The following RBMS1 variants were observed in gnomAD, a reference collection of about 807,000 sequenced individuals.
RBMS1 encodes the protein RNA-binding motif, single-stranded-interacting protein 1.
In RBMS1, 17 loss-of-function variants were observed where a neutral mutation model predicts 62.3. That is an observed-to-expected ratio of 0.27 (90% CI 0.19 to 0.41). RBMS1 has a LOEUF of 0.41. Ranked by LOEUF, RBMS1 falls within the 10% of genes least tolerant of loss-of-function variation. The pLI, the probability that RBMS1 is intolerant of heterozygous loss-of-function variation, is 1.00. For synonymous variants in RBMS1, 172 were observed against 170.0 expected, an observed-to-expected ratio of 1.01 and a Z score of -0.09; for missense variants, 334 against 504.5, an observed-to-expected ratio of 0.66 and a Z score of 3.24.
chr2:160,492,385 T>C (rs915548139), intron 1 of RBMS1, among the ~76,000 whole-genome samples: 6 of 152,142 alleles, frequency 3.9e-5, no homozygotes, highest in Non-Finnish European at 7.4e-5. Flanking sequence ...ACTAACAAAG[T>C]ACCCAGGGTC....
At chr2:160,315,595 C>T (rs1690172608) in intron 3 of RBMS1, among the ~76,000 whole-genome samples, 1 of 152,168 alleles carries the variant, frequency 6.6e-6, no homozygotes, top group South Asian at 2.1e-4. Flanking sequence ...CTTAAAGCTG[C>T]CTGCTTTTAC....
chr2:160,347,373 T>C (rs1692244164), intron 2 of RBMS1, among the ~76,000 whole-genome samples: 1 of 152,154 alleles, frequency 6.6e-6, no homozygotes, highest in Non-Finnish European at 1.5e-5. Flanking sequence ...AATTTTAAGG[T>C]AATGGTTATA....
intron 1 of RBMS1, among the ~76,000 whole-genome samples, chr2:160,421,634 A>G (rs564507374): frequency 9.7e-4 from 148 of 152,332 alleles, no homozygotes; most frequent in Middle Eastern, 3.4e-3. Flanking sequence ...TTATAGCAGC[A>G]TGATTTATAA....
At chr2:160,311,232 C>CTCTCTCTCTCTCTCTCTCTCTCTCTCTA in intron 4 of RBMS1, among the ~76,000 whole-genome samples, 1 of 79,256 alleles carries the variant, frequency 1.3e-5, no homozygotes, top group South Asian at 4.5e-4. Flanking sequence ...ATCTATCTAT[C>CTCTCTCTCTCTCTCTCTCTCTCTCTCTA]TATATATATA....
chr2:160,291,097 C>G (rs571675320), intron 6 of RBMS1, among the ~76,000 whole-genome samples: 1 of 152,264 alleles, frequency 6.6e-6, no homozygotes, highest in East Asian at 1.9e-4. Flanking sequence ...TCTGCAAGTC[C>G]TCCTCACTTA....
At chr2:160,471,716 T>TATATATATATATATATATATATATATATA (rs371634389) in intron 1 of RBMS1, among the ~76,000 whole-genome samples, 64 of 76,218 alleles carry the variant, frequency 8.4e-4, no homozygotes, top group Non-Finnish European at 1.2e-3. Context: ...TATATATATA[T>TATATATATATATATATATATATATATATA]AACCTTTCAT....
intron 2 of RBMS1, among the ~76,000 whole-genome samples, chr2:160,341,083 T>C (rs149440231): frequency 0.015 from 2,340 of 152,228 alleles, 24 homozygotes; most frequent in Non-Finnish European, 0.026. Flanking sequence ...TAAAAAAATA[T>C]ATGTTTGAGT....
intron 1 of RBMS1, among the ~76,000 whole-genome samples, chr2:160,440,602 T>A (rs1381478941): frequency 6.6e-6 from 1 of 152,158 alleles, no homozygotes; most frequent in Non-Finnish European, 1.5e-5. Context: ...TAAAATGGCC[T>A]CTCCGGTGAT....
intron 4 of RBMS1, among the ~76,000 whole-genome samples, chr2:160,312,415 T>C (rs543584990): frequency 1.3e-5 from 2 of 152,308 alleles, no homozygotes; most frequent in East Asian, 1.9e-4. Flanking sequence ...TTAACATCCA[T>C]GTGTACTGTG....
intron 13 of RBMS1, among the ~76,000 whole-genome samples, chr2:160,275,183 G>A (rs1563575): frequency 0.7 from 106,396 of 152,092 alleles, 37,784 homozygotes; most frequent in East Asian, 0.82. Flanking sequence ...TGAGAGTTGG[G>A]AATATAATCT....
At chr2:160,371,143 T>A (rs1159037314) in intron 1 of RBMS1, among the ~76,000 whole-genome samples, 1 of 152,252 alleles carries the variant, frequency 6.6e-6, no homozygotes, top group African/African-American at 2.4e-5. Context: ...AGCCTTTAAT[T>A]ACAGCTTCAG....
chr2:160,425,969 G>A (rs1682537166), intron 1 of RBMS1, among the ~76,000 whole-genome samples: 1 of 152,044 alleles, frequency 6.6e-6, no homozygotes, highest in African/African-American at 2.4e-5. Flanking sequence ...GCAAGAAACT[G>A]CTTCTTGTAA....
chr2:160,368,980 T>C (rs1693577112), intron 1 of RBMS1, among the ~76,000 whole-genome samples: 1 of 152,188 alleles, frequency 6.6e-6, no homozygotes, highest in East Asian at 1.9e-4. Flanking sequence ...TGGTCCTATA[T>C]CCTTCAGATT....
chr2:160,411,968 A>C (rs1245426069), intron 1 of RBMS1, among the ~76,000 whole-genome samples: 1 of 152,386 alleles, frequency 6.6e-6, no homozygotes, highest in Non-Finnish European at 1.5e-5. Context: ...AAAGTCTAAA[A>C]AAAGGTCTGT....
chr2:160,312,724 T>C (rs578046385), intron 4 of RBMS1, among the ~76,000 whole-genome samples: 65 of 152,218 alleles, frequency 4.3e-4, no homozygotes, highest in Admixed American at 1.3e-3. Context: ...GCCAGTTATA[T>C]ATATTTTTGA....
chr2:160,449,216 C>G (rs7424644), intron 1 of RBMS1, among the ~76,000 whole-genome samples: 4 of 149,894 alleles, frequency 2.7e-5, no homozygotes, highest in Non-Finnish European at 5.9e-5. Context: ...GGGCAGCCCC[C>G]GCCAGGCCAG....
At chr2:160,420,922 C>T (rs1696398511) in intron 1 of RBMS1, among the ~76,000 whole-genome samples, 1 of 152,140 alleles carries the variant, frequency 6.6e-6, no homozygotes, top group African/African-American at 2.4e-5. Flanking sequence ...TCACTGTTAT[C>T]TTGGGTGAGC....
chr2:160,361,437 G>A (rs1693122015), intron 2 of RBMS1, among the ~76,000 whole-genome samples: 1 of 152,218 alleles, frequency 6.6e-6, no homozygotes, highest in Non-Finnish European at 1.5e-5. Context: ...AATCAGGGGT[G>A]GGTAGCATGT....
intron 6 of RBMS1, among the ~76,000 whole-genome samples, chr2:160,290,989 T>C (rs1044967083): frequency 4.6e-5 from 7 of 152,186 alleles, no homozygotes; most frequent in Non-Finnish European, 8.8e-5. Context: ...AACTTAACTC[T>C]ACAGTGATTT....
Sources: gnomAD v4.1 joint callset for allele counts (sites outside exome capture counted in the v4.1 genomes callset) on GRCh38, gnomAD v4.1.1 for gene constraint, MANE v1.5 for transcripts, NCBI Gene and HGNC (gene_info 2026-07-23, HGNC 2026-07-21) for gene names.